KCNMB2: variants seen among roughly 807,000 people sequenced by gnomAD.
KCNMB2 encodes the protein potassium calcium-activated channel subfamily M regulatory beta subunit 2, also known as calcium-activated potassium channel subunit beta-2.
Under a neutral mutation model 24.5 loss-of-function variants are expected in KCNMB2, and 9 were observed. That is an observed-to-expected ratio of 0.37 (90% CI 0.22 to 0.64). The LOEUF is 0.64. Ranked by LOEUF, KCNMB2 falls within the 30% of genes least tolerant of loss-of-function variation. The probability of loss-of-function intolerance (pLI) is 0.63; values close to 1 mark genes in which losing one functional copy is unlikely to be tolerated. For synonymous variants in KCNMB2, 109 were observed against 104.4 expected (o/e 1.04, Z -0.27); for missense variants, 226 against 284.3 (o/e 0.79, Z 1.47).
At chr3:178,756,848 T>C (rs1403886735) in intron 1 of KCNMB2, among the ~76,000 whole-genome samples, 1 of 152,082 alleles carries the variant, frequency 6.6e-6, no homozygotes, top group African/African-American at 2.4e-5. Flanking sequence ...TGAATGAAGC[T>C]TATCTAACAC....
At chr3:178,828,930 T>A (rs9833033) in intron 4 of KCNMB2, among the ~76,000 whole-genome samples, 11,655 of 38,972 alleles carry the variant, frequency 0.3, 912 homozygotes, top group African/African-American at 0.54. Flanking sequence ...GGTCACTGTG[T>A]GTGTGTGTGT....
intron 1 of KCNMB2, among the ~76,000 whole-genome samples, chr3:178,545,563 A>G (rs910243996): frequency 1.3e-5 from 2 of 152,236 alleles, no homozygotes; most frequent in African/African-American, 4.8e-5. Context: ...CATGCTGCAT[A>G]AGGCACTTTA....
At position 178,655,134 on chromosome 3, in the gene KCNMB2, CTCTCTCTCTA is replaced by C. The variant is rs1225139637; in HGVS notation, c.-68+118429_-68+118438del. 2.8e-3 allele frequency among the ~76,000 whole-genome samples: 408 copies of C among 143,582 alleles called. 2 individuals carry two copies. The highest frequency in any genetic ancestry group is 9.7e-3 in the African/African-American group (374 of 38,408). 94.2% of individuals were successfully genotyped at this position (143,582 alleles called of 152,430 possible). A position where few individuals can be genotyped will look rare whatever the true frequency, so the allele number is the denominator to read the frequency against. On this transcript the variant is annotated intron_variant, in intron 1 of 4. Coordinates refer to ENST00000452583, the MANE Select transcript of KCNMB2 (RefSeq NM_181361.3). ...TCTCTCTCTCTCTCTCTCTCTCTCT[CTCTCTCTCTA>C]TCTCTATTTCTCTGGGACTTAGTGA...
intron 1 of KCNMB2, among the ~76,000 whole-genome samples, chr3:178,715,133 G>C (rs189488952): frequency 7.2e-5 from 11 of 152,236 alleles, no homozygotes; most frequent in African/African-American, 2.6e-4. Context: ...TTGAATAATG[G>C]CCTGTGTTCC....
Position 178,789,306 on chromosome 3 carries a change from T to A in KCNMB2, c.-67-18037T>A, listed in dbSNP as rs112427620. Among the ~76,000 whole-genome samples, 510 of 152,230 alleles carry A rather than the reference T, an allele frequency of 3.4e-3. 6 individuals carry two copies. The highest frequency in any genetic ancestry group is 0.011 in the African/African-American group (477 of 41,530). ...CACCATTGCCAGTCAGAGGAGTCCATACATGGTTGCCCCAGCAACTGAAAA... is the reference window on the plus strand; with the variant it reads ...CACCATTGCCAGTCAGAGGAGTCCAAACATGGTTGCCCCAGCAACTGAAAA... On this transcript the variant is annotated intron_variant, in intron 1 of 4. Transcript: ENST00000452583.
At chr3:178,721,798 T>C (rs974057550) in intron 1 of KCNMB2, among the ~76,000 whole-genome samples, 1 of 152,256 alleles carries the variant, frequency 6.6e-6, no homozygotes, top group Non-Finnish European at 1.5e-5. Context: ...CTATCTTATT[T>C]TGGCTTGAAC....
At chr3:178,566,769 T>C (rs1716537474) in intron 1 of KCNMB2, among the ~76,000 whole-genome samples, 1 of 152,172 alleles carries the variant, frequency 6.6e-6, no homozygotes, top group African/African-American at 2.4e-5. Flanking sequence ...TCAGCAAAAA[T>C]TGATTTTACT....
At chr3:178,784,358 G>A (rs1713009855) in intron 1 of KCNMB2, among the ~76,000 whole-genome samples, 1 of 151,996 alleles carries the variant, frequency 6.6e-6, no homozygotes, top group African/African-American at 2.4e-5. Context: ...AGAAGTGAGA[G>A]GTAAAAGCAA....
chr3:178,839,621 A>G (rs1715355350), intron 4 of KCNMB2, among the ~76,000 whole-genome samples: 1 of 152,166 alleles, frequency 6.6e-6, no homozygotes. Context: ...TACAATCATG[A>G]TGGAAGGCAA....
intron 1 of KCNMB2, among the ~76,000 whole-genome samples, chr3:178,600,556 T>A (rs1203302507): frequency 6.6e-6 from 1 of 152,224 alleles, no homozygotes; most frequent in Non-Finnish European, 1.5e-5. Flanking sequence ...TTATCTATTT[T>A]ATAAAACAGA....
intron 1 of KCNMB2, among the ~76,000 whole-genome samples, chr3:178,791,592 C>T (rs1188002409): frequency 6.6e-6 from 1 of 151,814 alleles, no homozygotes; most frequent in Non-Finnish European, 1.5e-5. Flanking sequence ...AGAGAAAATC[C>T]CAAACCTAGA....
At chr3:178,728,557 G>A (rs1723040158) in intron 1 of KCNMB2, among the ~76,000 whole-genome samples, 1 of 151,206 alleles carries the variant, frequency 6.6e-6, no homozygotes, top group Admixed American at 6.6e-5. Flanking sequence ...GATGAGATCA[G>A]CTTTGGGATG....
intron 1 of KCNMB2, among the ~76,000 whole-genome samples, chr3:178,794,857 G>A (rs1006661805): frequency 1.8e-4 from 27 of 152,186 alleles, no homozygotes; most frequent in African/African-American, 6.3e-4. Context: ...GTAAGGACAA[G>A]GCCAAGGGGA....
chr3:178,711,889 TGTGGA>T (rs1722466406), intron 1 of KCNMB2, among the ~76,000 whole-genome samples: 1 of 152,234 alleles, frequency 6.6e-6, no homozygotes, highest in Non-Finnish European at 1.5e-5. Context: ...ATTCCACATC[TGTGGA>T]GTGGAAAGTG....
intron 1 of KCNMB2, among the ~76,000 whole-genome samples, chr3:178,764,343 A>G (rs1237191367): frequency 1.3e-5 from 2 of 152,216 alleles, no homozygotes; most frequent in African/African-American, 4.8e-5. Flanking sequence ...ATGATGAACT[A>G]TATAGGACAT....
In KCNMB2 at chr3:178,654,767, G is replaced by T. The variant is rs1183625812; in HGVS notation, c.-68+118056G>T. Reference sequence around the variant, plus strand: ...TTTTGAGGTGAAGACATTTTGACTAGCAAAACGTAAGGTGGAGCTGTATTG... The same window carrying T: ...TTTTGAGGTGAAGACATTTTGACTATCAAAACGTAAGGTGGAGCTGTATTG... On this transcript the variant is annotated intron_variant, in intron 1 of 4. Coordinates refer to ENST00000452583, the MANE Select transcript of KCNMB2 (RefSeq NM_181361.3). 3.3e-5 allele frequency among the ~76,000 whole-genome samples: 5 copies of T among 152,138 alleles called. No homozygotes were observed. In the East Asian group the frequency reaches 9.6e-4, roughly 29 times the overall value.
intron 1 of KCNMB2, among the ~76,000 whole-genome samples, chr3:178,550,850 C>T (rs1048829310): frequency 3.9e-5 from 6 of 152,046 alleles, no homozygotes; most frequent in African/African-American, 9.7e-5. Flanking sequence ...ATGTATGCCA[C>T]GTGGCTAGCA....
At chr3:178,705,901 A>G (rs1722262438) in intron 1 of KCNMB2, among the ~76,000 whole-genome samples, 1 of 152,210 alleles carries the variant, frequency 6.6e-6, no homozygotes, top group African/African-American at 2.4e-5. Flanking sequence ...CAAAAACATT[A>G]CATAGAAACA....
intron 1 of KCNMB2, among the ~76,000 whole-genome samples, chr3:178,676,684 C>T (rs1469258787): frequency 6.6e-6 from 1 of 152,134 alleles, no homozygotes; most frequent in African/African-American, 2.4e-5. Context: ...TAACCTCTCA[C>T]AGCAAATGTC....
Sources: gnomAD v4.1 joint callset for allele counts (sites outside exome capture counted in the v4.1 genomes callset) on GRCh38, gnomAD v4.1.1 for gene constraint, MANE v1.5 for transcripts, NCBI Gene and HGNC (gene_info 2026-07-23, HGNC 2026-07-21) for gene names.